The following CACNA1C variants were observed in gnomAD, a reference collection of about 807,000 sequenced individuals.
CACNA1C encodes voltage-dependent L-type calcium channel subunit alpha-1C.
CACNA1C carries 30 observed loss-of-function variants against 229.0 expected under a neutral mutation model. That is an observed-to-expected ratio of 0.13 (90% confidence interval 0.10 to 0.18). The LOEUF is 0.18. CACNA1C is among the 10% of genes least tolerant of loss of function. The pLI is 1.00. For missense variants in CACNA1C, 1,658 were observed against 2,845.0 expected, an observed-to-expected ratio of 0.58 and a Z score of 9.49; for synonymous variants, 1,114 against 1,132.5, an observed-to-expected ratio of 0.98 and a Z score of 0.33.
intron 3 of CACNA1C, among the ~76,000 whole-genome samples, chr12:2,138,154 T>C (rs1016114354): frequency 1.3e-5 from 2 of 151,396 alleles, no homozygotes; most frequent in Non-Finnish European, 3.0e-5. Flanking sequence ...AAACATGGCC[T>C]GGGGCAGCCT....
At chr12:2,071,474 C>G (rs2061324106) in intron 1 of CACNA1C, among the ~76,000 whole-genome samples, 1 of 151,978 alleles carries the variant, frequency 6.6e-6, no homozygotes, top group Non-Finnish European at 1.5e-5. Flanking sequence ...GATACCACCT[C>G]AGCTTCTTAA....
chr12:2,394,205 C>T (rs2098534968), intron 3 of CACNA1C, among the ~76,000 whole-genome samples: 1 of 152,192 alleles, frequency 6.6e-6, no homozygotes, highest in Non-Finnish European at 1.5e-5. Flanking sequence ...AGGCGGAGGC[C>T]TGTCGTCTGC....
intron 9 of CACNA1C, among the ~76,000 whole-genome samples, chr12:2,543,382 AGG>A (rs1180041643): frequency 1.3e-5 from 2 of 152,150 alleles, no homozygotes; most frequent in African/African-American, 4.8e-5. Flanking sequence ...TGGCCAAGGG[AGG>A]GGTCAGGCTT....
At chr12:2,351,272 C>A (rs1176799725) in intron 3 of CACNA1C, among the ~76,000 whole-genome samples, 2 of 152,144 alleles carry the variant, frequency 1.3e-5, no homozygotes, top group Non-Finnish European at 2.9e-5. Context: ...GCCAAATGTC[C>A]CCTGGGGCGA....
chr12:2,671,628 C>T (rs1329376235), intron 38 of CACNA1C, among the ~76,000 whole-genome samples: 2 of 152,300 alleles, frequency 1.3e-5, no homozygotes, highest in Middle Eastern at 3.4e-3. Flanking sequence ...AAGAATTCAG[C>T]AGGGTCGAAG....
At position 2,249,316 on chromosome 12, in the gene CACNA1C, G is replaced by A. The variant is rs116386110; in HGVS notation, c.477+128886G>A. ...CACATCCGGCCTGCCATCTGCTTTT[G>A]TAAATAAAATGGTATCAGAACATAG... On this transcript the variant is annotated intron_variant, in intron 3 of 46. Transcript: ENST00000399655. 8.6e-3 allele frequency among the ~76,000 whole-genome samples: 1,308 copies of A among 152,258 alleles called. 16 individuals carry two copies. The highest frequency in any genetic ancestry group is 0.03 in the African/African-American group (1,255 of 41,532).
intron 29 of CACNA1C, chr12:2,613,358 T>C (rs1417441122): frequency 5.3e-5 from 8 of 152,242 alleles, no homozygotes; most frequent in Admixed American, 5.2e-4. Context: ...GAGACTGGAA[T>C]CCGGCACCTC....
chr12:2,161,741 G>T (rs1376513001), intron 3 of CACNA1C, among the ~76,000 whole-genome samples: 1 of 152,202 alleles, frequency 6.6e-6, no homozygotes, highest in Non-Finnish European at 1.5e-5. Flanking sequence ...GCCCCCAGAG[G>T]TTCTGGCTTT....
intron 3 of CACNA1C, among the ~76,000 whole-genome samples, chr12:2,421,532 A>C (rs1389097976): frequency 6.6e-6 from 1 of 152,218 alleles, no homozygotes; most frequent in Non-Finnish European, 1.5e-5. Flanking sequence ...GTAGTCCAAC[A>C]GTTTAATTCT....
At chr12:1,978,165 C>T (rs903143245) in intron 1 of CACNA1C, among the ~76,000 whole-genome samples, 7 of 152,136 alleles carry the variant, frequency 4.6e-5, no homozygotes, top group Admixed American at 3.3e-4. Context: ...AAGCAGATGT[C>T]GCAACCCAGA....
At chr12:2,002,568 G>GT (rs1174412276) in intron 1 of CACNA1C, among the ~76,000 whole-genome samples, 1 of 152,116 alleles carries the variant, frequency 6.6e-6, no homozygotes, top group Non-Finnish European at 1.5e-5. Flanking sequence ...TCTTAAAAAG[G>GT]TATCTATCAC....
At chr12:2,682,011 A>T (rs2097172265) in intron 42 of CACNA1C, 2 of 1,611,684 alleles carry the variant, frequency 1.2e-6, no homozygotes, top group Non-Finnish European at 1.7e-6. Context: ...CTCAGCAGGG[A>T]CTCAGGCTCA....
At chr12:2,576,225 A>G (rs2058339639) in intron 13 of CACNA1C, among the ~76,000 whole-genome samples, 1 of 152,212 alleles carries the variant, frequency 6.6e-6, no homozygotes, top group Non-Finnish European at 1.5e-5. Context: ...TGGGGTGAGC[A>G]GGGACGCACA....
chr12:2,209,154 G>T lies in CACNA1C; in HGVS notation c.477+88724G>T, dbSNP rs1332970475. On this transcript the variant is annotated intron_variant, in intron 3 of 46. Coordinates refer to ENST00000399655, the MANE Select transcript of CACNA1C (RefSeq NM_000719.7). ...TGCCTGCCACTTCTATCAGTAAGAC[G>T]CAGCGAGTCACACAGTACCACAGTG... is the stretch of plus-strand genomic sequence containing the variant. Among the ~76,000 whole-genome samples the T allele has an allele frequency of 2.6e-5, 4 of 152,308 alleles. No individual in the cohort carries two copies. In the East Asian group the frequency reaches 7.7e-4, roughly 29 times the overall value.
intron 3 of CACNA1C, among the ~76,000 whole-genome samples, chr12:2,252,386 C>G (rs1423975073): frequency 6.6e-6 from 1 of 152,184 alleles, no homozygotes; most frequent in Admixed American, 6.5e-5. Context: ...ATCAGCAGCT[C>G]TGATACGATA....
upstream of CACNA1C, among the ~76,000 whole-genome samples, chr12:2,052,702 G>A (rs190532500): frequency 0.015 from 2,226 of 145,308 alleles, 28 homozygotes; most frequent in South Asian, 0.044. Flanking sequence ...CTCGCCCGCC[G>A]GCGGCCGGGG....
intron 3 of CACNA1C, among the ~76,000 whole-genome samples, chr12:2,231,345 A>T (rs946802095): frequency 1.3e-5 from 2 of 152,196 alleles, no homozygotes; most frequent in Non-Finnish European, 2.9e-5. Context: ...GCTCTCACTT[A>T]AGCCATTCCG....
Position 2,677,941 on chromosome 12 carries a change from C to T in CACNA1C, c.5091+74C>T, listed in dbSNP as rs2096905788. ...AGCAAGAGGTTGGGCTGGGGTTTTG[C>T]GGGGAACGTCCAGGGGAAGGAGCTG... is the stretch of plus-strand genomic sequence containing the variant. On this transcript the variant is annotated intron_variant, in intron 41 of 46. Coordinates refer to ENST00000399655, the MANE Select transcript of CACNA1C (RefSeq NM_000719.7). The surrounding 1 kb of genome is among the most constrained non-coding windows in gnomAD (Gnocchi z 7.4). The T allele has an allele frequency of 6.4e-6, 10 of 1,552,792 alleles. No homozygotes were observed. Among genetic ancestry groups the T allele is most frequent in the South Asian group, 2.3e-5 (2 of 87,650 alleles).
chr12:2,459,280 GC>G (rs145933415), intron 5 of CACNA1C, among the ~76,000 whole-genome samples: 198 of 150,022 alleles, frequency 1.3e-3, no homozygotes, highest in African/African-American at 4.7e-3. Context: ...CTCCCAAAGT[GC>G]TGAGATTACC....
Sources: allele counts gnomAD v4.1 joint callset (sites outside exome capture counted in the v4.1 genomes callset), GRCh38; gene constraint gnomAD v4.1.1; non-coding constraint Gnocchi (gnomAD v3.1); transcripts MANE v1.5; gene names NCBI Gene and HGNC (gene_info 2026-07-23, HGNC 2026-07-21).